Variants in NMNAT3 observed in about 807,000 individuals in gnomAD.
NMNAT3 encodes nicotinamide nucleotide adenylyltransferase 3, also known as nicotinamide/nicotinic acid mononucleotide adenylyltransferase 3.
Under a neutral mutation model 24.8 loss-of-function variants are expected in NMNAT3, and 21 were observed. The ratio of observed to expected loss-of-function variants is 0.85; its 90% CI spans 0.60 to 1.22. The LOEUF (loss-of-function observed/expected upper bound fraction) is 1.22, where lower values mean the gene tolerates loss of function less well. Among genes scored for constraint, NMNAT3 ranks in the 50% most tolerant of loss-of-function variants. The probability of loss-of-function intolerance (pLI) is 0.00; values close to 1 mark genes in which losing one functional copy is unlikely to be tolerated. For missense variants in NMNAT3, 387 were observed against 436.6 expected (o/e 0.89, Z 1.01); for synonymous variants, 136 against 155.2 (o/e 0.88, Z 0.92).
chr3:139,593,292 C>T (rs2054286978), intron 3 of NMNAT3, among the ~76,000 whole-genome samples: 1 of 152,206 alleles, frequency 6.6e-6, no homozygotes. Context: ...GCACCCAATA[C>T]AGGAGCACCC....
In NMNAT3 at chr3:139,593,365, G is replaced by C. The variant is rs368341996; in HGVS notation, c.110-10157C>G. Among the ~76,000 whole-genome samples the C allele has an allele frequency of 9.8e-3, 1,496 of 152,226 alleles. 12 individuals are homozygous for C. Among genetic ancestry groups the C allele is most frequent in the Non-Finnish European group, 0.014 (957 of 68,018 alleles). ...AGACTCCCACACAATAATAATGGGA[G>C]ACTTTAACACCCCACTGTCAACATT... On this transcript the variant is annotated intron_variant, in intron 3 of 6. Transcript: ENST00000643695.
chr3:139,639,751 G>T (rs1311127244), intron 1 of NMNAT3, among the ~76,000 whole-genome samples: 1 of 152,198 alleles, frequency 6.6e-6, no homozygotes, highest in African/African-American at 2.4e-5. Context: ...CAGCATCCAT[G>T]AAACTGTGGC....
intron 6 of NMNAT3, among the ~76,000 whole-genome samples, chr3:139,562,662 G>C (rs1559845442): frequency 6.6e-6 from 1 of 152,184 alleles, no homozygotes; most frequent in Non-Finnish European, 1.5e-5. Context: ...AAGCACTGGA[G>C]CAACTGTGGA....
chr3:139,598,836 T>G (rs2054589570), intron 3 of NMNAT3, among the ~76,000 whole-genome samples: 1 of 152,186 alleles, frequency 6.6e-6, no homozygotes, highest in South Asian at 2.1e-4. Context: ...AAACCCAGGT[T>G]TGCCCATATT....
rs542139601 is a variant in NMNAT3 at position 139,583,140 on chromosome 3, T to C, written c.178A>G (p.Ile60Val). 6 of 1,430,804 alleles carry C rather than the reference T, an allele frequency of 4.2e-6. No individual in the cohort carries two copies. The Admixed American group carries it at 5.2e-5, about 12-fold the overall frequency. The allele number at this position is 1,430,804 out of a possible 1,614,324, so 88.6% of individuals were successfully genotyped here. A position where few individuals can be genotyped will look rare whatever the true frequency, so the allele number is the denominator to read the frequency against. ...ATCCTTTTTTGCAGATGAAAAGAAA[T>C]ATCTTTTATTGAGATAGACTGAGGT... Residue 60 changes from isoleucine (I) to valine (V), a missense_variant, in exon 4 of 7, where the codon ATT (isoleucine) becomes GTT (valine). Physicochemically the swap from Ile to Val is conservative, Grantham distance 29 (BLOSUM62 3). Coordinates refer to ENST00000643695, the MANE Select transcript of NMNAT3 (RefSeq NM_001320510.2).
intron 1 of NMNAT3, among the ~76,000 whole-genome samples, chr3:139,660,525 T>C (rs1452383818): frequency 6.6e-6 from 1 of 152,214 alleles, no homozygotes; most frequent in Non-Finnish European, 1.5e-5. Context: ...AAATTACTAC[T>C]AAGGTCACCT....
intron 6 of NMNAT3, chr3:139,572,136 G>A (rs1031224546): frequency 5.0e-6 from 2 of 398,606 alleles, no homozygotes; most frequent in Non-Finnish European, 8.8e-6. Flanking sequence ...CCAGCTTGAG[G>A]TGGGGGCTGG....
At chr3:139,629,230 C>G (rs2056186206) in intron 2 of NMNAT3, among the ~76,000 whole-genome samples, 2 of 152,144 alleles carry the variant, frequency 1.3e-5, no homozygotes, top group Admixed American at 6.5e-5. Flanking sequence ...CGTGGAGATG[C>G]CCATGGGCCC....
intron 3 of NMNAT3, among the ~76,000 whole-genome samples, chr3:139,591,261 C>A: frequency 6.6e-6 from 1 of 151,704 alleles, no homozygotes; most frequent in African/African-American, 2.4e-5. Context: ...CTTTTCAGAC[C>A]GGCTTAAGAA....
chr3:139,582,763 C>G (rs907687241), intron 4 of NMNAT3, among the ~76,000 whole-genome samples: 2 of 147,772 alleles, frequency 1.4e-5, no homozygotes, highest in African/African-American at 5.0e-5. Flanking sequence ...TATATAAATA[C>G]AAGCTCACAT....
chr3:139,677,641 G>C (rs1284460734), intron 1 of NMNAT3, 64 bp downstream of exon 1: 1 of 152,226 alleles, frequency 6.6e-6, no homozygotes, highest in Non-Finnish European at 1.5e-5. Context: ...GAGTCACGTG[G>C]GCCCGGGCAT....
At chr3:139,593,348 A>G (rs1263062835) in intron 3 of NMNAT3, among the ~76,000 whole-genome samples, 1 of 152,198 alleles carries the variant, frequency 6.6e-6, no homozygotes, top group Non-Finnish European at 1.5e-5. Flanking sequence ...TTAGACTCCC[A>G]CACAATAATA....
At chr3:139,569,528 G>T (rs956332309) in intron 6 of NMNAT3, 19 of 152,082 alleles carry the variant, frequency 1.2e-4, no homozygotes, top group African/African-American at 4.6e-4. Context: ...GCTCTTTTAG[G>T]GCAGGCCTGG....
chr3:139,620,497 A>C (rs2055718214), intron 3 of NMNAT3, among the ~76,000 whole-genome samples: 1 of 152,040 alleles, frequency 6.6e-6, no homozygotes, highest in Non-Finnish European at 1.5e-5. Flanking sequence ...CTGCTGGTTC[A>C]TTCCTTTTTA....
At chr3:139,599,557 TA>T in intron 3 of NMNAT3, 1 of 608,420 alleles carries the variant, frequency 1.6e-6, no homozygotes, top group Non-Finnish European at 2.9e-6. Flanking sequence ...AGAAAAAACA[TA>T]AAAAAGACCA....
At chr3:139,600,367 G>A (rs533913302) in intron 3 of NMNAT3, among the ~76,000 whole-genome samples, 33 of 151,006 alleles carry the variant, frequency 2.2e-4, no homozygotes, top group Admixed American at 7.3e-4. Context: ...GTGCAATGGC[G>A]CAATCTTGGC....
At chr3:139,572,095 G>T (rs1232252984) in intron 6 of NMNAT3, 10 of 398,832 alleles carry the variant, frequency 2.5e-5, no homozygotes, top group Non-Finnish European at 4.0e-5. Context: ...CCTAATTCAT[G>T]CCTGGACTCA....
At chr3:139,676,555 T>C (rs551514724) in intron 1 of NMNAT3, among the ~76,000 whole-genome samples, 28 of 152,326 alleles carry the variant, frequency 1.8e-4, no homozygotes, top group African/African-American at 6.3e-4. Flanking sequence ...AGCTTTCCCC[T>C]GCAAGGCCAG....
intron 3 of NMNAT3, among the ~76,000 whole-genome samples, chr3:139,619,933 C>T (rs2055684285): frequency 6.6e-6 from 1 of 152,180 alleles, no homozygotes; most frequent in African/African-American, 2.4e-5. Context: ...CATTATTGGC[C>T]TGAAAACATT....
Sources: allele counts gnomAD v4.1 joint callset (sites outside exome capture counted in the v4.1 genomes callset), GRCh38; gene constraint gnomAD v4.1.1; transcripts MANE v1.5; gene names NCBI Gene and HGNC (gene_info 2026-07-23, HGNC 2026-07-21).